Variants in NAV1 observed in about 807,000 individuals in gnomAD.
NAV1 encodes the protein pore membrane and/or filament interacting like protein 3.
In NAV1, 18 loss-of-function variants were observed where a neutral mutation model predicts 175.2. The ratio of observed to expected loss-of-function variants is 0.10; its 90% CI spans 0.07 to 0.15. The LOEUF is 0.15. Among genes scored for constraint, NAV1 ranks in the 10% least tolerant of loss-of-function variants. The pLI, the probability that NAV1 is intolerant of heterozygous loss-of-function variation, is 1.00. For missense variants in NAV1, 1,731 were observed against 2,436.6 expected (o/e 0.71, Z 6.10); for synonymous variants, 897 against 978.7 (o/e 0.92, Z 1.56).
chr1:201,700,521 T>C (rs920020776), intron 1 of NAV1, among the ~76,000 whole-genome samples: 2 of 152,148 alleles, frequency 1.3e-5, no homozygotes, highest in Non-Finnish European at 2.9e-5. Flanking sequence ...TTGTGGAAGA[T>C]AGTGTGGCAA....
intron 1 of NAV1, among the ~76,000 whole-genome samples, chr1:201,576,955 C>T (rs1666708901): frequency 6.6e-6 from 1 of 152,076 alleles, no homozygotes; most frequent in South Asian, 2.1e-4. Flanking sequence ...TGTCTTTTGC[C>T]TATTTCCTAA....
At chr1:201,569,384 C>A (rs1017279602) in intron 1 of NAV1, among the ~76,000 whole-genome samples, 28 of 152,274 alleles carry the variant, frequency 1.8e-4, no homozygotes, top group African/African-American at 5.5e-4. Context: ...TTTTAATGTC[C>A]GAAATTAACA....
chr1:201,577,952 A>G (rs1172015978), intron 1 of NAV1, among the ~76,000 whole-genome samples: 3 of 152,094 alleles, frequency 2.0e-5, no homozygotes, highest in Non-Finnish European at 2.9e-5. Context: ...TAACTCGCAG[A>G]TGCTTAATTT....
In NAV1 at chr1:201,649,439, C is replaced by CCG; in HGVS notation, c.757+15_757+16insGC. On this transcript the variant is annotated intron_variant, in intron 1 of 29. Coordinates refer to ENST00000367296, the Ensembl canonical transcript of NAV1. ...GCCAGATGCTGGGTAAGTCCTGCCG[C>CCG]CCCGCCCCGCCCCGCCCCTGGCTTT... 5 of 1,463,834 alleles carry CCG rather than the reference C, an allele frequency of 3.4e-6. No individual in the cohort carries two copies. The highest frequency in any genetic ancestry group is 4.5e-6 in the Non-Finnish European group (5 of 1,100,344). 90.7% of individuals were successfully genotyped at this position (1,463,834 alleles called of 1,614,324 possible). A position where few individuals can be genotyped will look rare whatever the true frequency, so the allele number is the denominator to read the frequency against.
intron 2 of NAV1, among the ~76,000 whole-genome samples, chr1:201,604,152 C>T (rs1667602825): frequency 6.6e-6 from 1 of 152,196 alleles, no homozygotes. Context: ...ACTTCCCAGG[C>T]TCAAGGATCC....
intron 3 of NAV1, among the ~76,000 whole-genome samples, chr1:201,746,457 A>T (rs971341913): frequency 1.3e-5 from 2 of 152,234 alleles, no homozygotes; most frequent in African/African-American, 4.8e-5. Flanking sequence ...TTCATTGCCT[A>T]CTATGTGCCA....
chr1:201,776,669 T>G (rs1276571945), intron 3 of NAV1, among the ~76,000 whole-genome samples: 15 of 151,894 alleles, frequency 9.9e-5, no homozygotes, highest in African/African-American at 3.6e-4. Flanking sequence ...GTTGTTTTTT[T>G]TTAAAGGTAC....
chr1:201,662,621 A>AG (rs538050031), intron 1 of NAV1, among the ~76,000 whole-genome samples: 2 of 152,266 alleles, frequency 1.3e-5, no homozygotes, highest in East Asian at 1.9e-4. Context: ...TACCCACAGC[A>AG]GGGGGGGTAA....
chr1:201,711,810 G>A (rs1558088379), intron 1 of NAV1, among the ~76,000 whole-genome samples: 1 of 152,212 alleles, frequency 6.6e-6, no homozygotes, highest in South Asian at 2.1e-4. Flanking sequence ...TAGGGCCCAG[G>A]GTGGTGCCTG....
At chr1:201,707,399 C>G (rs1404538195) in intron 1 of NAV1, among the ~76,000 whole-genome samples, 1 of 152,182 alleles carries the variant, frequency 6.6e-6, no homozygotes, top group Admixed American at 6.5e-5. Flanking sequence ...TGTGAATTAG[C>G]TCTTTAAGCC....
At chr1:201,793,700 C>T in intron 13 of NAV1, 92 bp from the exon 18 acceptor site, 1 of 1,113,040 alleles carries the variant, frequency 9.0e-7, no homozygotes, top group Non-Finnish European at 1.3e-6. Context: ...CTCCGAGATA[C>T]AGGAAATCAG....
At chr1:201,675,964 C>T (rs1670233955) in intron 1 of NAV1, among the ~76,000 whole-genome samples, 1 of 152,182 alleles carries the variant, frequency 6.6e-6, no homozygotes, top group South Asian at 2.1e-4. Flanking sequence ...CCCCAGTTTC[C>T]CCTGTACCTA....
chr1:201,811,798 A>G (rs1571517621), intron 25 of NAV1, 41 bp downstream of exon 29: 1 of 1,606,198 alleles, frequency 6.2e-7, no homozygotes, highest in Non-Finnish European at 8.5e-7. Context: ...TCGAAGTGGG[A>G]GGAGGGAGAA....
chr1:201,812,403 G>C lies in NAV1; in HGVS notation c.5025-62G>C. The C allele has an allele frequency of 1.3e-6, 2 of 1,529,062 alleles. No individual in the cohort carries two copies. The allele number at this position is 1,529,062 out of a possible 1,614,324, so 94.7% of individuals were successfully genotyped here. ...CAGAAGGAGGGACAGACTGGCAGGG[G>C]CTGAACCCTGACAATGTCCCCATTG... On this transcript the variant is annotated intron_variant, in intron 26 of 29. Coordinates refer to ENST00000367296, the Ensembl canonical transcript of NAV1. The surrounding 1 kb of genome is among the most constrained non-coding windows in gnomAD (Gnocchi z 4.6).
At position 201,539,472 on chromosome 1, in the gene NAV1, G is replaced by T. The variant is rs1407548152; in HGVS notation, c.-144+130G>T. 1.3e-5 allele frequency among the ~76,000 whole-genome samples: 2 copies of T among 152,158 alleles called. No homozygotes were observed. Among genetic ancestry groups the T allele is most frequent in the African/African-American group, 2.4e-5 (1 of 41,456 alleles). On this transcript the variant is annotated intron_variant, in intron 1 of 33. Coordinates refer to the NAV1 transcript ENST00000685211. This position sits in a 1 kb window ranked among gnomAD's most constrained non-coding sequence, Gnocchi z 5.6. ...CTCGGGGTAGGGGAGGTTGGTGCCC[G>T]AGGGAGGCTGTGGGCTGGGCTCGGG...
chr1:201,543,428 A>T (rs1665572153), intron 1 of NAV1, among the ~76,000 whole-genome samples: 1 of 150,450 alleles, frequency 6.6e-6, no homozygotes, highest in Non-Finnish European at 1.5e-5. Flanking sequence ...TCATTGTGTT[A>T]GTGTGGTGCC....
chr1:201,632,555 C>T (rs554816278), intron 2 of NAV1, among the ~76,000 whole-genome samples: 7 of 152,370 alleles, frequency 4.6e-5, no homozygotes, highest in African/African-American at 1.2e-4. Context: ...CGCGTGCCCA[C>T]ATGTGTGAGG....
chr1:201,614,098 C>T (rs1332481955), intron 2 of NAV1, among the ~76,000 whole-genome samples: 1 of 152,004 alleles, frequency 6.6e-6, no homozygotes, highest in Non-Finnish European at 1.5e-5. Context: ...TCCAGGACCT[C>T]TGTTTTTAGC....
intron 1 of NAV1, among the ~76,000 whole-genome samples, chr1:201,540,991 G>C (rs929256539): frequency 1.3e-5 from 2 of 152,164 alleles, no homozygotes; most frequent in African/African-American, 4.8e-5. Context: ...GAGAACACCA[G>C]GTGAAAGAGA....
Sources: allele counts gnomAD v4.1 joint callset (sites outside exome capture counted in the v4.1 genomes callset), GRCh38; gene constraint gnomAD v4.1.1; non-coding constraint Gnocchi (gnomAD v3.1); transcripts MANE v1.5; gene names NCBI Gene and HGNC (gene_info 2026-07-23, HGNC 2026-07-21).